GALNTL6: variants seen among roughly 807,000 people sequenced by gnomAD.
GALNTL6 encodes polypeptide N-acetylgalactosaminyltransferase like 6.
A neutral mutation model predicts 73.7 loss-of-function variants in GALNTL6; 46 were observed. The ratio of observed to expected loss-of-function variants is 0.62; its 90% CI spans 0.49 to 0.80. GALNTL6 has a LOEUF of 0.80. GALNTL6 is among the 30% of genes least tolerant of loss of function. GALNTL6 has a pLI of 0.00. For synonymous variants in GALNTL6, 259 were observed against 263.7 expected (o/e 0.98, Z 0.17); for missense variants, 604 against 755.0 (o/e 0.80, Z 2.34).
At chr4:172,014,975 T>C (rs752936479) in intron 2 of GALNTL6, among the ~76,000 whole-genome samples, 8 of 152,124 alleles carry the variant, frequency 5.3e-5, no homozygotes, top group Non-Finnish European at 8.8e-5. Context: ...ACCTATCATA[T>C]TATCTATGTT....
intron 5 of GALNTL6, among the ~76,000 whole-genome samples, chr4:172,606,088 A>G (rs1345353282): frequency 6.6e-6 from 1 of 152,152 alleles, no homozygotes. Context: ...TCTATCATAA[A>G]GGGAAATGAG....
At chr4:172,274,906 T>C (rs1398479741) in intron 3 of GALNTL6, among the ~76,000 whole-genome samples, 1 of 152,220 alleles carries the variant, frequency 6.6e-6, no homozygotes, top group African/African-American at 2.4e-5. Context: ...TAAAAGAAGC[T>C]AGAAGTAACA....
intron 5 of GALNTL6, among the ~76,000 whole-genome samples, chr4:172,740,718 T>A (rs1736749634): frequency 6.6e-6 from 1 of 152,150 alleles, no homozygotes. Flanking sequence ...ATTTTCATGC[T>A]TTCTGGTGGT....
At chr4:172,488,373 C>G (rs1733771665) in intron 5 of GALNTL6, among the ~76,000 whole-genome samples, 1 of 152,076 alleles carries the variant, frequency 6.6e-6, no homozygotes, top group Admixed American at 6.6e-5. Context: ...AGGGCCTCAC[C>G]TGGGAAGATG....
chr4:171,992,974 CAG>C (rs1740382573), intron 2 of GALNTL6, among the ~76,000 whole-genome samples: 1 of 151,282 alleles, frequency 6.6e-6, no homozygotes, highest in African/African-American at 2.4e-5. Context: ...CTAAATTTCT[CAG>C]AGTTGCTTCT....
chr4:172,167,017 C>T (rs1041691346), intron 2 of GALNTL6, among the ~76,000 whole-genome samples: 5 of 152,040 alleles, frequency 3.3e-5, no homozygotes, highest in African/African-American at 9.7e-5. Flanking sequence ...AGTTTGTGTC[C>T]CAGGGAAAGA....
chr4:172,687,163 G>C (rs1732965421), intron 5 of GALNTL6, among the ~76,000 whole-genome samples: 1 of 152,054 alleles, frequency 6.6e-6, no homozygotes, highest in Non-Finnish European at 1.5e-5. Flanking sequence ...TAAAAGAGAA[G>C]CTTCTTTTAC....
intron 2 of GALNTL6, among the ~76,000 whole-genome samples, chr4:172,025,280 T>C (rs1741529697): frequency 6.6e-6 from 1 of 152,024 alleles, no homozygotes; most frequent in Admixed American, 6.6e-5. Flanking sequence ...TTCTTTTCAT[T>C]AAAATGGACT....
Position 172,191,253 on chromosome 4 carries a change from C to A in GALNTL6, c.139-38403C>A, listed in dbSNP as rs79659943. Among the ~76,000 whole-genome samples the A allele has an allele frequency of 8.1e-3, 1,229 of 152,308 alleles. 18 individuals are homozygous for A. Among genetic ancestry groups the A allele is most frequent in the African/African-American group, 0.028 (1,164 of 41,572 alleles). On this transcript the variant is annotated intron_variant, in intron 2 of 12. Coordinates refer to ENST00000506823, the MANE Select transcript of GALNTL6 (RefSeq NM_001034845.3). ...CACTTACTGAATCAAACACCTATGT[C>A]ATCCATTTCTGACCGTAATTCTCTC...
chr4:172,455,710 G>A (rs545535881), intron 5 of GALNTL6, among the ~76,000 whole-genome samples: 8 of 152,142 alleles, frequency 5.3e-5, no homozygotes, highest in Non-Finnish European at 1.0e-4. Context: ...GCCACAGTCA[G>A]GGGCTTATTC....
intron 2 of GALNTL6, among the ~76,000 whole-genome samples, chr4:171,967,447 G>GTTTTTTGTTT (rs1553976625): frequency 5.8e-3 from 83 of 14,356 alleles, no homozygotes; most frequent in East Asian, 9.2e-3. Flanking sequence ...CCCCCTATGG[G>GTTTTTTGTTT]TTTTTTTTTT....
chr4:172,030,006 C>T (rs1051746309), intron 2 of GALNTL6, among the ~76,000 whole-genome samples: 3 of 152,088 alleles, frequency 2.0e-5, no homozygotes, highest in Non-Finnish European at 2.9e-5. Flanking sequence ...GTATGTCGAA[C>T]TCAGTTCACT....
At chr4:172,380,364 G>T in intron 5 of GALNTL6, 1 of 689,598 alleles carries the variant, frequency 1.5e-6, no homozygotes, top group Non-Finnish European at 2.8e-6. Flanking sequence ...GAATCCCAGG[G>T]ACTGGCAATG....
intron 5 of GALNTL6, among the ~76,000 whole-genome samples, chr4:172,773,879 A>G (rs1326159933): frequency 6.6e-6 from 1 of 152,200 alleles, no homozygotes; most frequent in Non-Finnish European, 1.5e-5. Context: ...ATCCCATCAA[A>G]TACAATTGGC....
At chr4:172,232,184 G>T (rs1737096059) in intron 3 of GALNTL6, among the ~76,000 whole-genome samples, 1 of 152,000 alleles carries the variant, frequency 6.6e-6, no homozygotes, top group Non-Finnish European at 1.5e-5. Flanking sequence ...CCAAGGAAAA[G>T]GATCATTTGT....
At chr4:172,377,665 T>G (rs1183638110) in intron 5 of GALNTL6, among the ~76,000 whole-genome samples, 1 of 152,044 alleles carries the variant, frequency 6.6e-6, no homozygotes, top group Non-Finnish European at 1.5e-5. Context: ...GGGCTGCAGG[T>G]CCCAAGCCCT....
intron 5 of GALNTL6, among the ~76,000 whole-genome samples, chr4:172,657,343 G>A (rs934676746): frequency 1.2e-4 from 19 of 152,054 alleles, no homozygotes; most frequent in Admixed American, 1.1e-3. Flanking sequence ...TGATGATTCC[G>A]CAGAACAGCA....
At chr4:172,788,805 G>A (rs557690643) in intron 5 of GALNTL6, among the ~76,000 whole-genome samples, 1 of 152,230 alleles carries the variant, frequency 6.6e-6, no homozygotes, top group East Asian at 1.9e-4. Flanking sequence ...GGTGTTCAGG[G>A]CACAGATAGG....
At chr4:171,890,392 A>G (rs576034883) in intron 2 of GALNTL6, among the ~76,000 whole-genome samples, 1 of 152,230 alleles carries the variant, frequency 6.6e-6, no homozygotes, top group South Asian at 2.1e-4. Context: ...ACTTTACATT[A>G]TCAATATGGA....
Sources: gnomAD v4.1 joint callset for allele counts (sites outside exome capture counted in the v4.1 genomes callset) on GRCh38, gnomAD v4.1.1 for gene constraint, MANE v1.5 for transcripts, NCBI Gene and HGNC (gene_info 2026-07-23, HGNC 2026-07-21) for gene names.